TRDMT1: variants seen among roughly 807,000 people sequenced by gnomAD.
TRDMT1 encodes tRNA aspartic acid methyltransferase 1.
In TRDMT1, 49 loss-of-function variants were observed where a neutral mutation model predicts 51.2. The observed-to-expected ratio is 0.96, with a 90% CI of 0.76 to 1.21. TRDMT1 has a LOEUF of 1.21. Among genes scored for constraint, TRDMT1 ranks in the 50% most tolerant of loss-of-function variants. The pLI, the probability that TRDMT1 is intolerant of heterozygous loss-of-function variation, is 0.00. For synonymous variants in TRDMT1, 187 were observed against 164.6 expected, an observed-to-expected ratio of 1.14 and a Z score of -1.04; for missense variants, 534 against 462.3, an observed-to-expected ratio of 1.16 and a Z score of -1.42.
At chr10:17,174,763 T>C in intron 1 of TRDMT1, 103 bp from the exon 2 acceptor site, 1 of 892,676 alleles carries the variant, frequency 1.1e-6, no homozygotes, top group Non-Finnish European at 1.8e-6. Context: ...TATTTCTTCA[T>C]TTATTAGCCT....
intron 3 of TRDMT1, among the ~76,000 whole-genome samples, chr10:17,165,738 G>A (rs947472947): frequency 3.9e-5 from 6 of 152,182 alleles, no homozygotes; most frequent in Non-Finnish European, 5.9e-5. Flanking sequence ...CTCAAAAGAA[G>A]ACATTTATGC....
At chr10:17,186,951 A>G (rs914507833) in intron 1 of TRDMT1, among the ~76,000 whole-genome samples, 2 of 152,230 alleles carry the variant, frequency 1.3e-5, no homozygotes, top group African/African-American at 4.8e-5. Flanking sequence ...TGGTCACATT[A>G]GAATAAAGAT....
At chr10:17,186,245 T>C (rs1843901813) in intron 1 of TRDMT1, among the ~76,000 whole-genome samples, 1 of 152,166 alleles carries the variant, frequency 6.6e-6, no homozygotes, top group Admixed American at 6.6e-5. Context: ...TCCCCAAAGA[T>C]ATCCACATCT....
chr10:17,174,884 G>C (rs1842447940), intron 1 of TRDMT1, among the ~76,000 whole-genome samples: 1 of 152,174 alleles, frequency 6.6e-6, no homozygotes, highest in Non-Finnish European at 1.5e-5. Flanking sequence ...ATACTAAAGA[G>C]AAGATTTAAA....
intron 1 of TRDMT1, among the ~76,000 whole-genome samples, chr10:17,178,259 G>A (rs922194479): frequency 6.6e-6 from 1 of 152,168 alleles, no homozygotes; most frequent in African/African-American, 2.4e-5. Context: ...TTCATTCAAA[G>A]TGCTGGCTTA....
At chr10:17,184,358 T>C (rs11254440) in intron 1 of TRDMT1, among the ~76,000 whole-genome samples, 20,777 of 151,916 alleles carry the variant, frequency 0.14, 1,520 homozygotes, top group Admixed American at 0.17. Context: ...AGAAGTGACA[T>C]AAACATTAGT....
In TRDMT1 at chr10:17,143,692, A is replaced by T; in HGVS notation, c.*5348T>A. ...TGTTTTTAAATCTCAGTGACTTTTT[A>T]TAAGTTTTCCTAAAAATAAATGATC... On this transcript the variant is annotated 3_prime_UTR_variant, in exon 11 of 11. Transcript: ENST00000377799. The T allele has an allele frequency of 3.0e-6, 3 of 985,454 alleles. No individual in the cohort carries two copies. Among genetic ancestry groups the T allele is most frequent in the Non-Finnish European group, 3.6e-6 (3 of 829,934 alleles). 61.0% of individuals were successfully genotyped at this position (985,454 alleles called of 1,614,324 possible). A position where few individuals can be genotyped will look rare whatever the true frequency, so the allele number is the denominator to read the frequency against.
In TRDMT1 at chr10:17,145,052, C is replaced by A. The variant is rs1472309045; in HGVS notation, c.*3988G>T. ...TTAACTTGAGGTCAGGTGTTCGAGA[C>A]CAGCCTGGCCAACATGGTGAAACCC... On this transcript the variant is annotated 3_prime_UTR_variant, in exon 11 of 11. Coordinates refer to ENST00000377799, the MANE Select transcript of TRDMT1 (RefSeq NM_004412.7). The A allele has an allele frequency of 3.6e-6, 3 of 828,442 alleles. No individual in the cohort carries two copies. The African/African-American group carries it at 5.6e-5, about 15-fold the overall frequency. 51.3% of individuals were successfully genotyped at this position (828,442 alleles called of 1,614,324 possible).
Position 17,140,311 on chromosome 10 carries a change from C to T in TRDMT1, c.*8729G>A, listed in dbSNP as rs1329769461. Reference sequence around the variant, plus strand: ...CCTCATGGTCCGTTCACTTCGACCTCCCAAAGTGCTGGGATTACAGGTGTG... The same window carrying T: ...CCTCATGGTCCGTTCACTTCGACCTTCCAAAGTGCTGGGATTACAGGTGTG... On this transcript the variant is annotated 3_prime_UTR_variant, in exon 11 of 11. Coordinates refer to ENST00000377799, the MANE Select transcript of TRDMT1 (RefSeq NM_004412.7). Among the ~76,000 whole-genome samples the T allele has an allele frequency of 6.6e-6, 1 of 151,382 alleles. No homozygotes were observed. The highest frequency in any genetic ancestry group is 2.1e-4 in the South Asian group (1 of 4,786).
rs761180596 is a variant in TRDMT1, at chr10:17,147,102, G to A, written c.*1938C>T. On this transcript the variant is annotated 3_prime_UTR_variant, in exon 11 of 11. Coordinates refer to ENST00000377799, the MANE Select transcript of TRDMT1 (RefSeq NM_004412.7). ...TTATTTTGTATAATGTTGCTCAACC[G>A]AATGTGGGATACTATAATTATAGCA... The A allele has an allele frequency of 3.4e-5, 34 of 985,654 alleles. No individual in the cohort carries two copies. Among genetic ancestry groups the A allele is most frequent in the Admixed American group, 6.1e-5 (1 of 16,266 alleles). 61.1% of individuals were successfully genotyped at this position (985,654 alleles called of 1,614,324 possible).
At position 17,143,395 on chromosome 10, in the gene TRDMT1, T is replaced by C. The variant is rs1244706878; in HGVS notation, c.*5645A>G. ...CAGATCGTAACAGCTATTCAGCTTATTGTCTACTCATTCATAGGATCAGCT... is the reference window on the plus strand; with the variant it reads ...CAGATCGTAACAGCTATTCAGCTTACTGTCTACTCATTCATAGGATCAGCT... On this transcript the variant is annotated 3_prime_UTR_variant, in exon 11 of 11. Coordinates refer to ENST00000377799, the MANE Select transcript of TRDMT1 (RefSeq NM_004412.7). The C allele has an allele frequency of 3.0e-6, 3 of 985,496 alleles. No individual in the cohort carries two copies. Among genetic ancestry groups the C allele is most frequent in the African/African-American group, 1.7e-5 (1 of 57,386 alleles). 61.0% of individuals were successfully genotyped at this position (985,496 alleles called of 1,614,324 possible).
chr10:17,151,085 T>C, intron 10 of TRDMT1: 1 of 859,324 alleles, frequency 1.2e-6, no homozygotes, highest in East Asian at 1.2e-4. Context: ...ATTGCAGTTT[T>C]TGCCACTGAA....
Position 17,145,952 on chromosome 10 carries a change from C to T in TRDMT1, c.*3088G>A. ...AGTCTCCAGCTTAATCACTCTAGAC[C>T]TCAACTAGGTTGAGATGGGAGCAAA... On this transcript the variant is annotated 3_prime_UTR_variant, in exon 11 of 11. Transcript: ENST00000377799. The T allele has an allele frequency of 1.0e-6, 1 of 985,438 alleles. No homozygotes were observed. The highest frequency in any genetic ancestry group is 1.2e-6 in the Non-Finnish European group (1 of 829,952). 61.0% of individuals were successfully genotyped at this position (985,438 alleles called of 1,614,324 possible).
Position 17,146,849 on chromosome 10 carries a change from A to G in TRDMT1, c.*2191T>C, listed in dbSNP as rs1268706416. 1 of 985,280 alleles carries G rather than the reference A, an allele frequency of 1.0e-6. No individual in the cohort carries two copies. The highest frequency in any genetic ancestry group is 1.7e-5 in the African/African-American group (1 of 57,252). 61.0% of individuals were successfully genotyped at this position (985,280 alleles called of 1,614,324 possible). A position where few individuals can be genotyped will look rare whatever the true frequency, so the allele number is the denominator to read the frequency against. On this transcript the variant is annotated 3_prime_UTR_variant, in exon 11 of 11. Transcript: ENST00000377799. ...CCAAATTAATTATGCATACATATAC[A>G]TCTGCTAATTGAATGACACTGGTAG...
intron 5 of TRDMT1, among the ~76,000 whole-genome samples, chr10:17,160,802 C>T (rs1467222526): frequency 6.6e-6 from 1 of 152,194 alleles, no homozygotes; most frequent in Non-Finnish European, 1.5e-5. Flanking sequence ...AAAACTGTAA[C>T]TTCACTTGTT....
At position 17,161,465 on chromosome 10, in the gene TRDMT1, A is replaced by T; in HGVS notation, c.389+18T>A. On this transcript the variant is annotated intron_variant, in intron 5 of 10. Transcript: ENST00000377799. Reference sequence around the variant, plus strand: ...ATACCAAGTCTAAGATGTATGCAAGACAAATACATTTTTTTACCTTGTAGA... The same window carrying T: ...ATACCAAGTCTAAGATGTATGCAAGTCAAATACATTTTTTTACCTTGTAGA... 1 of 1,368,036 alleles carries T rather than the reference A, an allele frequency of 7.3e-7. No individual in the cohort carries two copies. 84.7% of individuals were successfully genotyped at this position (1,368,036 alleles called of 1,614,324 possible).
In TRDMT1 at chr10:17,145,452, T is replaced by G. The variant is rs1204453477; in HGVS notation, c.*3588A>C. The G allele has an allele frequency of 8.1e-6, 8 of 985,256 alleles. No homozygotes were observed. The African/African-American group carries it at 1.4e-4, about 17-fold the overall frequency. The allele number at this position is 985,256 out of a possible 1,614,324, so 61.0% of individuals were successfully genotyped here. On this transcript the variant is annotated 3_prime_UTR_variant, in exon 11 of 11. Transcript: ENST00000377799. ...TAGACAGAGGTCCAAAGGCCATGTC[T>G]TTAAAAATTATATAATCTCAATGCA...
At position 17,139,465 on chromosome 10, in the gene TRDMT1, G is replaced by A. The variant is rs2080777796; in HGVS notation, c.*9575C>T. Among the ~76,000 whole-genome samples, 3 of 152,228 alleles carry A rather than the reference G, an allele frequency of 2.0e-5. No individual in the cohort carries two copies. The highest frequency in any genetic ancestry group is 4.2e-4 in the South Asian group (2 of 4,816). On this transcript the variant is annotated 3_prime_UTR_variant, in exon 11 of 11. Coordinates refer to ENST00000377799, the MANE Select transcript of TRDMT1 (RefSeq NM_004412.7). ...ATTAGGGGAGGAGAGCAAGAGAGGT[G>A]AGGATGTCACCACCGATGGGGGGAA...
chr10:17,192,274 G>T (rs531521439), intron 1 of TRDMT1, among the ~76,000 whole-genome samples: 1 of 152,274 alleles, frequency 6.6e-6, no homozygotes, highest in East Asian at 1.9e-4. Flanking sequence ...CCTGTTATTG[G>T]GGTGAGGCAG....
Sources: gnomAD v4.1 joint callset for allele counts (sites outside exome capture counted in the v4.1 genomes callset) on GRCh38, gnomAD v4.1.1 for gene constraint, MANE v1.5 for transcripts, NCBI Gene and HGNC (gene_info 2026-07-23, HGNC 2026-07-21) for gene names.